Variants in ZNF804B observed in about 807,000 individuals in gnomAD.
ZNF804B encodes zinc finger 804B.
Under a neutral mutation model 101.4 loss-of-function variants are expected in ZNF804B, and 80 were observed. That is an observed-to-expected ratio of 0.79 (90% CI 0.66 to 0.95). The LOEUF (loss-of-function observed/expected upper bound fraction) is 0.95, where lower values mean the gene tolerates loss of function less well. Ranked by LOEUF, ZNF804B falls within the 40% of genes least tolerant of loss-of-function variation. The pLI is 0.00. For synonymous variants in ZNF804B, 622 were observed against 558.8 expected, an observed-to-expected ratio of 1.11 and a Z score of -1.59; for missense variants, 1,673 against 1,561.9, an observed-to-expected ratio of 1.07 and a Z score of -1.20.
intron 1 of ZNF804B, among the ~76,000 whole-genome samples, chr7:88,803,718 G>A (rs139263499): frequency 3.3e-5 from 5 of 151,898 alleles, no homozygotes; most frequent in Non-Finnish European, 5.9e-5. Flanking sequence ...TTGAAGTGGA[G>A]TGGCCATGGA....
At chr7:89,019,844 C>T (rs747296778) in intron 1 of ZNF804B, among the ~76,000 whole-genome samples, 13 of 151,808 alleles carry the variant, frequency 8.6e-5, no homozygotes, top group African/African-American at 2.9e-4. Context: ...TTATATGTTT[C>T]TATACAGGTG....
At position 89,181,299 on chromosome 7, in the gene ZNF804B, C is replaced by T. The variant is rs374154980; in HGVS notation, c.109-36856C>T. ...TTGCATTCCTTGTGGCTTAGACATT[C>T]TTTCAAATTTACGTAGGACCCCAGC... On this transcript the variant is annotated intron_variant, in intron 1 of 3. Coordinates refer to ENST00000333190, the MANE Select transcript of ZNF804B (RefSeq NM_181646.5). 3.3e-5 allele frequency among the ~76,000 whole-genome samples: 5 copies of T among 152,262 alleles called. No homozygotes were observed. The East Asian group carries it at 9.7e-4, about 29-fold the overall frequency.
At chr7:88,835,395 A>G (rs1039301966) in intron 1 of ZNF804B, among the ~76,000 whole-genome samples, 5 of 151,866 alleles carry the variant, frequency 3.3e-5, no homozygotes, top group African/African-American at 1.2e-4. Context: ...CTGTTGTTGG[A>G]GGAGAGATCA....
chr7:89,197,135 C>T (rs1345179960), intron 1 of ZNF804B, among the ~76,000 whole-genome samples: 1 of 151,664 alleles, frequency 6.6e-6, no homozygotes, highest in Non-Finnish European at 1.5e-5. Flanking sequence ...ATGATTTGTG[C>T]AGCAAACCAC....
intron 1 of ZNF804B, among the ~76,000 whole-genome samples, chr7:89,119,836 A>T (rs1016363415): frequency 2.6e-5 from 4 of 152,202 alleles, no homozygotes; most frequent in South Asian, 2.1e-4. Flanking sequence ...ATACATAATT[A>T]AAAAAATACG....
At chr7:88,870,242 G>A (rs977692076) in intron 1 of ZNF804B, among the ~76,000 whole-genome samples, 10 of 150,842 alleles carry the variant, frequency 6.6e-5, no homozygotes, top group Non-Finnish European at 1.2e-4. Context: ...AAAATTAGCC[G>A]GGCATGGTGG....
chr7:89,241,680 A>G (rs1380200620), intron 2 of ZNF804B, among the ~76,000 whole-genome samples: 1 of 152,132 alleles, frequency 6.6e-6, no homozygotes, highest in Non-Finnish European at 1.5e-5. Context: ...CTGCATGGAC[A>G]GAGCCATGCC....
intron 1 of ZNF804B, among the ~76,000 whole-genome samples, chr7:89,081,386 G>T (rs1789696000): frequency 6.6e-6 from 1 of 151,724 alleles, no homozygotes; most frequent in African/African-American, 2.4e-5. Flanking sequence ...CTCATAACTT[G>T]ATGTACTTGT....
At chr7:89,023,534 C>G (rs554126723) in intron 1 of ZNF804B, among the ~76,000 whole-genome samples, 1 of 152,156 alleles carries the variant, frequency 6.6e-6, no homozygotes, top group Admixed American at 6.5e-5. Flanking sequence ...TAATTCCTCT[C>G]TAATAACCAT....
At chr7:89,231,605 C>T (rs1483807459) in intron 2 of ZNF804B, among the ~76,000 whole-genome samples, 2 of 151,872 alleles carry the variant, frequency 1.3e-5, no homozygotes, top group African/African-American at 4.8e-5. Context: ...CTTAAATTGC[C>T]TTTAATTTAT....
intron 2 of ZNF804B, among the ~76,000 whole-genome samples, chr7:89,297,743 A>G (rs532274459): frequency 6.6e-6 from 1 of 152,040 alleles, no homozygotes; most frequent in African/African-American, 2.4e-5. Flanking sequence ...TGGATGTAAT[A>G]TTTTTTCTAA....
At chr7:88,897,932 C>T (rs1304854810) in intron 1 of ZNF804B, among the ~76,000 whole-genome samples, 1 of 151,110 alleles carries the variant, frequency 6.6e-6, no homozygotes, top group Non-Finnish European at 1.5e-5. Flanking sequence ...GCATTATTGT[C>T]AAAACAATCT....
At position 88,926,943 on chromosome 7, in the gene ZNF804B, C is replaced by CGGCG. The variant is rs1554346834; in HGVS notation, c.108+166861_108+166862insCGGG. 4.2e-5 allele frequency among the ~76,000 whole-genome samples: 6 copies of CGGCG among 144,352 alleles called. No individual in the cohort carries two copies. In the East Asian group the frequency reaches 9.1e-4, roughly 22 times the overall value. 94.7% of individuals were successfully genotyped at this position (144,352 alleles called of 152,430 possible). A position where few individuals can be genotyped will look rare whatever the true frequency, so the allele number is the denominator to read the frequency against. The stretch of plus-strand genomic sequence containing the variant: ...TAGATGTCTGCCGGGTGGTGGGGAG[C>CGGCG]GGGGGGAAAGCTGTTCTGTAGTTTG... On this transcript the variant is annotated intron_variant, in intron 1 of 3. Coordinates refer to ENST00000333190, the MANE Select transcript of ZNF804B (RefSeq NM_181646.5).
At chr7:88,934,139 A>G (rs957666333) in intron 1 of ZNF804B, among the ~76,000 whole-genome samples, 2 of 152,004 alleles carry the variant, frequency 1.3e-5, no homozygotes, top group African/African-American at 4.8e-5. Flanking sequence ...ATCTTCAACA[A>G]AGCATACAAA....
intron 1 of ZNF804B, among the ~76,000 whole-genome samples, chr7:89,166,529 G>A (rs1791146277): frequency 6.6e-6 from 1 of 152,150 alleles, no homozygotes; most frequent in Non-Finnish European, 1.5e-5. Context: ...CGAATTGTCT[G>A]TCTGCAATAG....
At chr7:89,068,900 C>T (rs1789495085) in intron 1 of ZNF804B, among the ~76,000 whole-genome samples, 1 of 152,148 alleles carries the variant, frequency 6.6e-6, no homozygotes, top group Non-Finnish European at 1.5e-5. Context: ...TAGAAACAGT[C>T]TTCAAGGCTA....
At chr7:89,217,970 T>A (rs1474778581) in intron 1 of ZNF804B, among the ~76,000 whole-genome samples, 185 bp from the exon 2 acceptor site, 1 of 152,134 alleles carries the variant, frequency 6.6e-6, no homozygotes, top group African/African-American at 2.4e-5. Flanking sequence ...TTAGAAATCA[T>A]GATATGTCAG....
At chr7:89,300,653 G>A (rs1250808539) in intron 2 of ZNF804B, among the ~76,000 whole-genome samples, 1 of 151,932 alleles carries the variant, frequency 6.6e-6, no homozygotes, top group Non-Finnish European at 1.5e-5. Context: ...AATGGAGAGA[G>A]AGGCAGAGTA....
intron 1 of ZNF804B, among the ~76,000 whole-genome samples, chr7:88,855,568 G>A (rs1305363440): frequency 6.6e-6 from 1 of 152,138 alleles, no homozygotes; most frequent in Non-Finnish European, 1.5e-5. Context: ...TGTTCACTCT[G>A]ATGGTAGTTT....
Sources: gnomAD v4.1 joint callset for allele counts (sites outside exome capture counted in the v4.1 genomes callset) on GRCh38, gnomAD v4.1.1 for gene constraint, MANE v1.5 for transcripts, NCBI Gene and HGNC (gene_info 2026-07-23, HGNC 2026-07-21) for gene names.